Variants in PPFIA1 observed in about 807,000 individuals in gnomAD.
The protein encoded by PPFIA1 is PPFI scaffold protein A1.
PPFIA1 carries 25 observed loss-of-function variants against 149.9 expected under a neutral mutation model. That is an observed-to-expected ratio of 0.17 (90% CI 0.12 to 0.23). The LOEUF (loss-of-function observed/expected upper bound fraction) is 0.23. Among genes scored for constraint, PPFIA1 ranks in the 10% least tolerant of loss-of-function variants. PPFIA1 has a pLI of 1.00. For missense variants in PPFIA1, 1,362 were observed against 1,506.5 expected (o/e 0.90, Z 1.59); for synonymous variants, 549 against 552.8 (o/e 0.99, Z 0.10).
intron 19 of PPFIA1, chr11:70,358,511 C>G (rs557911382): frequency 4.6e-5 from 7 of 152,358 alleles, no homozygotes; most frequent in African/African-American, 1.7e-4. Context: ...GCGTGAGCCA[C>G]CACGCCTGGC....
chr11:70,279,791 G>C (rs906191840), intron 2 of PPFIA1, among the ~76,000 whole-genome samples: 1 of 148,720 alleles, frequency 6.7e-6, no homozygotes, highest in African/African-American at 2.5e-5. Flanking sequence ...GGGTCTCTCT[G>C]TTGCCCAGGG....
In PPFIA1 at chr11:70,365,523, A is replaced by G. The variant is rs187844662; in HGVS notation, c.2865+3035A>G. ...TCTTTGCCTTTTTGTTGAAAACAAAATGTTGTTTTCCATTCAGTCGTTCCA... is the reference window on the plus strand; with the variant it reads ...TCTTTGCCTTTTTGTTGAAAACAAAGTGTTGTTTTCCATTCAGTCGTTCCA... On this transcript the variant is annotated intron_variant, in intron 21 of 27. Coordinates refer to ENST00000253925, the MANE Select transcript of PPFIA1 (RefSeq NM_003626.5). 1.7e-4 allele frequency: 74 copies of G among 440,330 alleles called. No homozygotes were observed. The East Asian group carries it at 4.6e-3, about 28-fold the overall frequency. 27.3% of individuals were successfully genotyped at this position (440,330 alleles called of 1,614,324 possible).
chr11:70,352,288 C>T (rs2137291778), intron 16 of PPFIA1, among the ~76,000 whole-genome samples: 1 of 152,334 alleles, frequency 6.6e-6, no homozygotes. Flanking sequence ...AACAGTGCCA[C>T]TTAAAGTGGC....
At chr11:70,324,768 A>G (rs1266181594) in intron 3 of PPFIA1, 79 bp from the exon 4 acceptor site, 1 of 1,324,588 alleles carries the variant, frequency 7.5e-7, no homozygotes, top group Non-Finnish European at 1.0e-6. Context: ...TGAGACTGTA[A>G]AGGAGTTATT....
rs555157128 is a variant in PPFIA1 at position 70,326,585 on chromosome 11, T to C, written c.709-12T>C. 748 of 1,584,676 alleles carry C rather than the reference T, an allele frequency of 4.7e-4. 3 individuals carry two copies. In the East Asian group the frequency reaches 0.013, roughly 27 times the overall value. On this transcript the variant is annotated splice_polypyrimidine_tract_variant and intron_variant, in intron 6 of 27. Transcript: ENST00000253925. ...ACAAGGGTATTTAAGGATTTTTTTT[T>C]CCCCCTATCAGAGATCTTCTGATGG...
chr11:70,362,204 C>A (rs542038045), intron 20 of PPFIA1, 28 bp downstream of exon 20: 7 of 1,612,704 alleles, frequency 4.3e-6, no homozygotes, highest in Non-Finnish European at 5.9e-6. Flanking sequence ...CATGCAGTTG[C>A]GTGGGTTACA....
chr11:70,312,435 C>T (rs1375030014), intron 2 of PPFIA1, among the ~76,000 whole-genome samples: 1 of 152,158 alleles, frequency 6.6e-6, no homozygotes, highest in African/African-American at 2.4e-5. Flanking sequence ...AAATGATCCT[C>T]CCACCCGAGC....
intron 2 of PPFIA1, among the ~76,000 whole-genome samples, chr11:70,283,449 T>C (rs753898894): frequency 7.2e-5 from 11 of 152,140 alleles, no homozygotes; most frequent in Non-Finnish European, 1.3e-4. Context: ...CAGAAGATTC[T>C]AAGGAATGAG....
intron 9 of PPFIA1, 23 bp downstream of exon 9, chr11:70,332,117 G>C: frequency 6.4e-7 from 1 of 1,565,300 alleles, no homozygotes; most frequent in African/African-American, 1.4e-5. Flanking sequence ...GCTTCATTCT[G>C]GTTCGGCTGC....
At chr11:70,300,575 C>A (rs1285378355) in intron 2 of PPFIA1, among the ~76,000 whole-genome samples, 1 of 150,434 alleles carries the variant, frequency 6.6e-6, no homozygotes, top group East Asian at 2.0e-4. Flanking sequence ...CGCTCTGTCG[C>A]CCAGGCTGGA....
At chr11:70,368,925 CCTTAT>C (rs1011570745) in intron 21 of PPFIA1, among the ~76,000 whole-genome samples, 11 of 149,672 alleles carry the variant, frequency 7.3e-5, no homozygotes, top group Admixed American at 1.3e-4. Flanking sequence ...TTCGTTTGTT[CCTTAT>C]CTTAGGAGAA....
At chr11:70,304,681 G>T (rs924969860) in intron 2 of PPFIA1, among the ~76,000 whole-genome samples, 3 of 152,166 alleles carry the variant, frequency 2.0e-5, no homozygotes, top group African/African-American at 7.2e-5. Context: ...GCCTTACCCT[G>T]TGGGATTGAT....
chr11:70,356,387 A>G (rs2056363546), intron 19 of PPFIA1, 133 bp downstream of exon 19: 3 of 684,758 alleles, frequency 4.4e-6, no homozygotes, highest in Non-Finnish European at 7.4e-6. Flanking sequence ...CTACAGCCTT[A>G]ATTAAGCCGT....
chr11:70,339,269 A>G lies in PPFIA1; in HGVS notation c.1670A>G (p.Lys557Arg), dbSNP rs145318201. Residue 557 changes from lysine (K) to arginine (R), a missense_variant, in exon 14 of 28, where the codon AAA becomes AGA. Lys to Arg is a conservative substitution (Grantham distance 26). Around this residue, in one of 7 missense-constraint regions of PPFIA1, gnomAD observed 733 missense variants for 744.1 expected, o/e 0.99. Transcript: ENST00000253925. ...STSAVLRRPQKGRLAALRDEP... is the reference protein window; with the variant it reads ...STSAVLRRPQRGRLAALRDEP... ...AGTGCAGTGCTGCGGCGCCCACAGAAAGGCCGGCTGGCAGCCCTGCGAGAT... is the reference window on the plus strand; with the variant it reads ...AGTGCAGTGCTGCGGCGCCCACAGAGAGGCCGGCTGGCAGCCCTGCGAGAT... 8.1e-5 allele frequency: 130 copies of G among 1,613,964 alleles called. No homozygotes were observed. Among genetic ancestry groups the G allele is most frequent in the Non-Finnish European group, 1.0e-4 (123 of 1,179,948 alleles).
chr11:70,378,268 G>T (rs2057567158), intron 26 of PPFIA1, 73 bp downstream of exon 26: 2 of 1,524,786 alleles, frequency 1.3e-6, no homozygotes, highest in South Asian at 1.3e-5. Context: ...CATTAATAAT[G>T]ATCTAAAACG....
At chr11:70,360,047 C>T (rs1320627405) in intron 19 of PPFIA1, among the ~76,000 whole-genome samples, 1 of 152,246 alleles carries the variant, frequency 6.6e-6, no homozygotes, top group Non-Finnish European at 1.5e-5. Flanking sequence ...ATGGACTGGT[C>T]TGATAGGGGA....
In PPFIA1 at chr11:70,305,885, G is replaced by A. The variant is rs577665743; in HGVS notation, c.265-18517G>A. Among the ~76,000 whole-genome samples, 3 of 152,276 alleles carry A rather than the reference G, an allele frequency of 2.0e-5. No homozygotes were observed. In the East Asian group the frequency reaches 5.8e-4, roughly 29 times the overall value. ...TGAATATCAAGCTAACTAGTGATAA[G>A]TTTATGGTTATTTATACTGTTAGGT... On this transcript the variant is annotated intron_variant, in intron 2 of 27. Coordinates refer to ENST00000253925, the MANE Select transcript of PPFIA1 (RefSeq NM_003626.5).
chr11:70,325,667 C>T, intron 5 of PPFIA1, 93 bp downstream of exon 5: 2 of 993,414 alleles, frequency 2.0e-6, no homozygotes, highest in African/African-American at 1.6e-5. Context: ...CGTGGTGGCT[C>T]ACACCTGTCA....
chr11:70,382,137 C>G lies in PPFIA1; in HGVS notation c.3600C>G (p.Tyr1200Ter), dbSNP rs370056803. 3.7e-6 allele frequency: 6 copies of G among 1,613,868 alleles called. No homozygotes were observed. The highest frequency in any genetic ancestry group is 5.1e-6 in the Non-Finnish European group (6 of 1,179,880). ...QRLDSATVRT[Y>*]SC is the part of the protein sequence containing the mutation. Reference sequence around the variant, plus strand: ...TGGATTCTGCTACAGTCAGGACTTACTCCTGCTAAAGTCTCCTGTTGGTGA... The same window carrying G: ...TGGATTCTGCTACAGTCAGGACTTAGTCCTGCTAAAGTCTCCTGTTGGTGA... Residue 1200 changes from tyrosine (Y) to a stop codon, truncating the protein, a stop_gained, in exon 27 of 28, where the codon TAC becomes TAG. Transcript: ENST00000253925. LOFTEE classifies it high-confidence loss of function.
Sources: allele counts gnomAD v4.1 joint callset (sites outside exome capture counted in the v4.1 genomes callset), GRCh38; gene constraint gnomAD v4.1.1; regional missense constraint gnomAD v4.1.1; transcripts MANE v1.5; gene names NCBI Gene and HGNC (gene_info 2026-07-23, HGNC 2026-07-21).